The following IL1RAPL2 variants were observed in gnomAD, a reference collection of about 807,000 sequenced individuals.
IL1RAPL2 encodes interleukin 1 receptor accessory protein like 2.
A neutral mutation model predicts 44.1 loss-of-function variants in IL1RAPL2; 3 were observed. The observed-to-expected ratio is 0.07, with a 90% CI of 0.03 to 0.18. IL1RAPL2 has a LOEUF of 0.18. Ranked by LOEUF, IL1RAPL2 falls within the 10% of genes least tolerant of loss-of-function variation. The pLI is 1.00. For synonymous variants in IL1RAPL2, 181 were observed against 178.8 expected (o/e 1.01, Z -0.10); for missense variants, 391 against 496.4 (o/e 0.79, Z 2.02).
chrX:105,032,828 T>C (rs2031536025), intron 2 of IL1RAPL2, among the ~76,000 whole-genome samples: 1 of 111,461 alleles, frequency 9.0e-6, no homozygotes, highest in African/African-American at 3.3e-5. Context: ...CAGTGGGGTG[T>C]TAAAGTCTCC....
At chrX:105,743,151 C>A (rs1462815484) in intron 8 of IL1RAPL2, among the ~76,000 whole-genome samples, 1 of 111,492 alleles carries the variant, frequency 9.0e-6, no homozygotes, top group East Asian at 2.8e-4. Flanking sequence ...TTTCCTCTCA[C>A]AGTCTATTCT....
intron 6 of IL1RAPL2, among the ~76,000 whole-genome samples, chrX:105,708,135 C>T (rs1255469346): frequency 2.7e-5 from 3 of 111,365 alleles, no homozygotes; most frequent in Admixed American, 9.6e-5. Context: ...CTCAACTAGG[C>T]ATTAAACCTT....
intron 2 of IL1RAPL2, among the ~76,000 whole-genome samples, chrX:104,873,987 G>A (rs1335047829): frequency 9.0e-6 from 1 of 110,835 alleles, no homozygotes; most frequent in Non-Finnish European, 1.9e-5. Flanking sequence ...TGCCAGAACA[G>A]GTTAGTTCCA....
chrX:105,659,636 G>A (rs992847499), intron 6 of IL1RAPL2, among the ~76,000 whole-genome samples: 5 of 105,912 alleles, frequency 4.7e-5, no homozygotes, highest in Admixed American at 2.0e-4. Context: ...CAGCCTGGGC[G>A]ACAGAGTGAG....
At chrX:105,016,463 C>T (rs907785491) in intron 2 of IL1RAPL2, among the ~76,000 whole-genome samples, 10 of 111,221 alleles carry the variant, frequency 9.0e-5, no homozygotes, top group Non-Finnish European at 1.9e-4. Flanking sequence ...TCATAGATAG[C>T]TCTTATTATT....
At chrX:105,284,599 C>T (rs2034557025) in intron 5 of IL1RAPL2, among the ~76,000 whole-genome samples, 1 of 112,053 alleles carries the variant, frequency 8.9e-6, no homozygotes, top group Non-Finnish European at 1.9e-5. Context: ...AAGCCTGGTA[C>T]ATAGTTGGCT....
At chrX:105,417,247 G>A (rs1033461919) in intron 5 of IL1RAPL2, among the ~76,000 whole-genome samples, 6 of 112,466 alleles carry the variant, frequency 5.3e-5, no homozygotes, top group Non-Finnish European at 1.1e-4. Context: ...GCCAAGGCAG[G>A]TGGATTACCT....
intron 2 of IL1RAPL2, among the ~76,000 whole-genome samples, chrX:104,908,314 A>G (rs1390573967): frequency 1.8e-5 from 2 of 111,293 alleles, no homozygotes; most frequent in East Asian, 5.7e-4. Flanking sequence ...TTTAAAGTTA[A>G]TATTGTTATG....
chrX:105,366,632 CAT>C (rs1229512956), intron 5 of IL1RAPL2, among the ~76,000 whole-genome samples: 2 of 111,308 alleles, frequency 1.8e-5, no homozygotes, highest in African/African-American at 3.3e-5. Context: ...CTAATTTCCA[CAT>C]ATGTGTGCAT....
chrX:104,633,014 C>G (rs1241723864), intron 1 of IL1RAPL2, among the ~76,000 whole-genome samples: 1 of 111,417 alleles, frequency 9.0e-6, no homozygotes, highest in East Asian at 2.8e-4. Flanking sequence ...AGATACGTCC[C>G]ATCAATACCT....
intron 5 of IL1RAPL2, among the ~76,000 whole-genome samples, chrX:105,444,012 C>G (rs2035938344): frequency 8.9e-6 from 1 of 112,091 alleles, no homozygotes; most frequent in Non-Finnish European, 1.9e-5. Context: ...TTGGTATTGC[C>G]TGTCTTTTGG....
chrX:104,726,075 A>G (rs59660706), intron 2 of IL1RAPL2, among the ~76,000 whole-genome samples: 40,373 of 110,445 alleles, frequency 0.37, 5,816 homozygotes, highest in East Asian at 0.47. Flanking sequence ...GGTGTCAGGA[A>G]GGGATCTGGT....
intron 2 of IL1RAPL2, among the ~76,000 whole-genome samples, chrX:104,842,001 T>TC (rs1921915129): frequency 9.0e-6 from 1 of 110,560 alleles, no homozygotes; most frequent in Admixed American, 9.7e-5. Flanking sequence ...TTGCTTCAAT[T>TC]CCCCCCCTTA....
intron 2 of IL1RAPL2, among the ~76,000 whole-genome samples, chrX:105,055,736 G>T (rs1469981247): frequency 9.0e-6 from 1 of 111,176 alleles, no homozygotes; most frequent in Non-Finnish European, 1.9e-5. Context: ...CTTTAGAATT[G>T]CCCACAGTTA....
chrX:105,259,700 G>A (rs1357822036), intron 4 of IL1RAPL2, among the ~76,000 whole-genome samples: 1 of 111,348 alleles, frequency 9.0e-6, no homozygotes, highest in African/African-American at 3.3e-5. Context: ...TGCTGGTGGT[G>A]TGGTTAAGGT....
chrX:104,866,405 A>G (rs774383106), intron 2 of IL1RAPL2, among the ~76,000 whole-genome samples: 1 of 112,423 alleles, frequency 8.9e-6, no homozygotes, highest in Non-Finnish European at 1.9e-5. Flanking sequence ...TACTTTTTTT[A>G]TATGAGCCAC....
At chrX:104,863,556 C>T (rs1331962689) in intron 2 of IL1RAPL2, among the ~76,000 whole-genome samples, 1 of 111,907 alleles carries the variant, frequency 8.9e-6, no homozygotes, top group African/African-American at 3.2e-5. Context: ...AGTTAAGAAC[C>T]AGGGTAAATT....
intron 3 of IL1RAPL2, among the ~76,000 whole-genome samples, chrX:105,208,149 T>C (rs782713536): frequency 5.4e-5 from 6 of 111,353 alleles, no homozygotes; most frequent in Non-Finnish European, 9.4e-5. Context: ...GAGGCGTTTT[T>C]TTCTGAGTAT....
chrX:104,718,482 T>C (rs1931619439), intron 2 of IL1RAPL2, among the ~76,000 whole-genome samples: 1 of 110,589 alleles, frequency 9.0e-6, no homozygotes, highest in African/African-American at 3.3e-5. Flanking sequence ...TGAGGATGGA[T>C]TTCCCCCCAT....
Sources: allele counts gnomAD v4.1 joint callset (sites outside exome capture counted in the v4.1 genomes callset), GRCh38; gene constraint gnomAD v4.1.1; transcripts MANE v1.5; gene names NCBI Gene and HGNC (gene_info 2026-07-23, HGNC 2026-07-21).